Variants in CD86 observed in about 807,000 individuals in gnomAD.
CD86 encodes T-lymphocyte activation antigen CD86.
In CD86, 11 loss-of-function variants were observed where a neutral mutation model predicts 32.1. The ratio of observed to expected loss-of-function variants is 0.34; its 90% CI spans 0.22 to 0.57. The LOEUF is 0.57. CD86 is among the 20% of genes least tolerant of loss of function. CD86 has a pLI of 0.86. For missense variants in CD86, 359 were observed against 398.4 expected, an observed-to-expected ratio of 0.90 and a Z score of 0.84; for synonymous variants, 137 against 135.3, an observed-to-expected ratio of 1.01 and a Z score of -0.09.
intron 2 of CD86, among the ~76,000 whole-genome samples, chr3:122,095,423 TG>T (rs1317107530): frequency 6.6e-6 from 1 of 152,132 alleles, no homozygotes; most frequent in African/African-American, 2.4e-5. Flanking sequence ...TCAGGTGATC[TG>T]CCCGCCTCGA....
At position 122,103,549 on chromosome 3, in the gene CD86, G is replaced by A; in HGVS notation, c.102G>A (p.Glu34=). The change falls in exon 3 of 7, where the codon GAG becomes GAA. Residue 34 remains glutamate, a synonymous_variant. Coordinates refer to ENST00000330540, the MANE Select transcript of CD86 (RefSeq NM_175862.5). The stretch of plus-strand genomic sequence containing the variant: ...TGAAGATTCAAGCTTATTTCAATGA[G>A]ACTGCAGACCTGCCATGCCAATTTG... The part of the protein sequence containing the change: ...APLKIQAYFN[E]TADLPCQFAN... 2 of 1,613,502 alleles carry A rather than the reference G, an allele frequency of 1.2e-6. No homozygotes were observed. The highest frequency in any genetic ancestry group is 1.7e-6 in the Non-Finnish European group (2 of 1,179,740).
chr3:122,078,580 A>T (rs1188814323), intron 1 of CD86, among the ~76,000 whole-genome samples: 1 of 152,178 alleles, frequency 6.6e-6, no homozygotes, highest in Non-Finnish European at 1.5e-5. Context: ...CCATCCCAAT[A>T]TTAGCCCCAC....
intron 4 of CD86, among the ~76,000 whole-genome samples, chr3:122,108,747 G>A (rs1414200254): frequency 2.0e-5 from 3 of 152,124 alleles, no homozygotes; most frequent in Admixed American, 1.3e-4. Flanking sequence ...ACCTCAGTAG[G>A]AAAAAACTAA....
chr3:122,101,504 A>AT (rs2073001395), intron 2 of CD86, among the ~76,000 whole-genome samples: 6 of 46,968 alleles, frequency 1.3e-4, no homozygotes, highest in South Asian at 1.9e-3. Flanking sequence ...AGAAAAAAAA[A>AT]AAAAAAAAAA....
intron 6 of CD86, among the ~76,000 whole-genome samples, chr3:122,119,000 A>T (rs2107553724): frequency 6.6e-6 from 1 of 152,302 alleles, no homozygotes; most frequent in Non-Finnish European, 1.5e-5. Flanking sequence ...GGTTTCAGAG[A>T]TAGGGTCATA....
chr3:122,086,450 C>T lies in CD86; in HGVS notation c.15-5151C>T, dbSNP rs143681259. 843 of 388,432 alleles carry T rather than the reference C, an allele frequency of 2.2e-3. 7 individuals are homozygous for T. The highest frequency in any genetic ancestry group is 0.015 in the African/African-American group (749 of 48,662). 24.1% of individuals were successfully genotyped at this position (388,432 alleles called of 1,614,324 possible). On this transcript the variant is annotated intron_variant, in intron 1 of 6. Transcript: ENST00000330540. Reference sequence around the variant, plus strand: ...TCCTGCCCTTTGCCTGAATGAGAGCCCACATGCTCCTTCAGACCTCAGATA... The same window carrying T: ...TCCTGCCCTTTGCCTGAATGAGAGCTCACATGCTCCTTCAGACCTCAGATA...
At chr3:122,091,779 T>A (rs990075135) in intron 2 of CD86, 129 bp downstream of exon 2, 4 of 728,566 alleles carry the variant, frequency 5.5e-6, no homozygotes, top group African/African-American at 1.8e-5. Flanking sequence ...CAAGACCACA[T>A]GCAAAAAAGA....
chr3:122,116,170 T>G (rs1242942380), intron 5 of CD86, among the ~76,000 whole-genome samples: 3 of 152,190 alleles, frequency 2.0e-5, no homozygotes, highest in Non-Finnish European at 4.4e-5. Flanking sequence ...TATGGAAAAC[T>G]TTTGTTCTTT....
intron 1 of CD86, among the ~76,000 whole-genome samples, chr3:122,088,478 G>T (rs1376114017): frequency 6.6e-6 from 1 of 152,120 alleles, no homozygotes; most frequent in East Asian, 1.9e-4. Context: ...CCATGTAAGA[G>T]CTGAACAGCT....
chr3:122,084,064 G>A (rs557161628), intron 1 of CD86, among the ~76,000 whole-genome samples: 68 of 152,218 alleles, frequency 4.5e-4, no homozygotes, highest in South Asian at 1.5e-3. Context: ...TCTGCTCATC[G>A]CAAGCTCTGC....
At chr3:122,079,541 A>G (rs983588378) in intron 1 of CD86, among the ~76,000 whole-genome samples, 3 of 152,192 alleles carry the variant, frequency 2.0e-5, no homozygotes, top group Non-Finnish European at 4.4e-5. Flanking sequence ...TCCACAGTCC[A>G]TTCTAGTGCT....
chr3:122,077,270 CTGGGCATTT>C (rs1163771210), intron 1 of CD86, among the ~76,000 whole-genome samples: 1 of 152,164 alleles, frequency 6.6e-6, no homozygotes. Context: ...GAGAAATCTA[CTGGGCATTT>C]ACACACCTTT....
Position 122,118,098 on chromosome 3 carries a change from A to G in CD86, c.893+5A>G. The G allele has an allele frequency of 6.3e-7, 1 of 1,584,356 alleles. No individual in the cohort carries two copies. The highest frequency in any genetic ancestry group is 8.5e-7 in the Non-Finnish European group (1 of 1,170,166). On this transcript the variant is annotated splice_donor_5th_base_variant and intron_variant, in intron 6 of 6. Coordinates refer to ENST00000330540, the MANE Select transcript of CD86 (RefSeq NM_175862.5). ...GAGTGAACAGACCAAGAAAAGGTAA[A>G]TCCTGACCCTGAGACATTGATGAGA... is the stretch of plus-strand genomic sequence containing the variant.
intron 1 of CD86, among the ~76,000 whole-genome samples, chr3:122,070,114 AAGAC>A (rs1266605324): frequency 6.6e-5 from 10 of 152,318 alleles, no homozygotes; most frequent in South Asian, 2.1e-4. Flanking sequence ...AGAGATAGTG[AAGAC>A]AGACAGTCTT....
At chr3:122,074,734 C>T (rs1245545348) in intron 1 of CD86, among the ~76,000 whole-genome samples, 1 of 152,144 alleles carries the variant, frequency 6.6e-6, no homozygotes, top group African/African-American at 2.4e-5. Flanking sequence ...CTTCCACACC[C>T]ACACACACCA....
At position 122,114,420 on chromosome 3, in the gene CD86, G is replaced by A. The variant is rs1288432762; in HGVS notation, c.848-3628G>A. ...TATGAAACAACTGTTTTCAGAGATC[G>A]GATGACAGACAGCAGAAAACTGTAG... is the stretch of plus-strand genomic sequence containing the variant. On this transcript the variant is annotated intron_variant, in intron 5 of 6. Coordinates refer to ENST00000330540, the MANE Select transcript of CD86 (RefSeq NM_175862.5). 3.3e-5 allele frequency among the ~76,000 whole-genome samples: 5 copies of A among 152,038 alleles called. 1 individual carries two copies. Among genetic ancestry groups the A allele is most frequent in the South Asian group, 4.2e-4 (2 of 4,818 alleles).
chr3:122,115,313 G>A (rs1012161413), intron 5 of CD86, among the ~76,000 whole-genome samples: 4 of 151,864 alleles, frequency 2.6e-5, no homozygotes, highest in Admixed American at 6.6e-5. Flanking sequence ...CAAGTACAAG[G>A]TCTATATACT....
intron 2 of CD86, among the ~76,000 whole-genome samples, chr3:122,099,521 A>G (rs947470613): frequency 2.0e-5 from 3 of 152,228 alleles, no homozygotes; most frequent in Non-Finnish European, 4.4e-5. Context: ...TTGGAATGTC[A>G]CCAGTCCGCA....
chr3:122,082,115 C>T (rs1443775349), intron 1 of CD86, among the ~76,000 whole-genome samples: 1 of 152,174 alleles, frequency 6.6e-6, no homozygotes, highest in African/African-American at 2.4e-5. Flanking sequence ...ATTCGAGATT[C>T]GCTCCTAAAA....
Sources: allele counts gnomAD v4.1 joint callset (sites outside exome capture counted in the v4.1 genomes callset), GRCh38; gene constraint gnomAD v4.1.1; transcripts MANE v1.5; gene names NCBI Gene and HGNC (gene_info 2026-07-23, HGNC 2026-07-21).